SCAF11: variants seen among roughly 807,000 people sequenced by gnomAD.
The protein encoded by SCAF11 is protein SCAF11.
A neutral mutation model predicts 140.5 loss-of-function variants in SCAF11; 47 were observed. The ratio of observed to expected loss-of-function variants is 0.33; its 90% confidence interval spans 0.26 to 0.43. The LOEUF (loss-of-function observed/expected upper bound fraction) is 0.43. Among genes scored for constraint, SCAF11 ranks in the 20% least tolerant of loss-of-function variants. SCAF11 has a pLI of 1.00. For synonymous variants in SCAF11, 557 were observed against 579.4 expected, an observed-to-expected ratio of 0.96 and a Z score of 0.55; for missense variants, 1,645 against 1,705.1, an observed-to-expected ratio of 0.96 and a Z score of 0.62.
Position 45,927,292 on chromosome 12 carries a change from G to C in SCAF11, c.2409C>G (p.Pro803=). 6.3e-7 allele frequency: 1 copy of C among 1,596,990 alleles called. No homozygotes were observed. Among genetic ancestry groups the C allele is most frequent in the Non-Finnish European group, 8.5e-7 (1 of 1,170,042 alleles). ...TCTTTTCTTGTGGAGTGTCTTTGTTGGGTGACCAAGTTGTAGATGGAGAAT... is the reference window on the plus strand; with the variant it reads ...TCTTTTCTTGTGGAGTGTCTTTGTTCGGTGACCAAGTTGTAGATGGAGAAT... ...RFHSPSTTWS[P]NKDTPQEKKR... is the part of the protein sequence containing the mutation. Residue 803 remains proline (P), a synonymous_variant, in exon 11 of 15, where the codon CCC becomes CCG. Transcript: ENST00000369367.
Position 45,927,918 on chromosome 12 carries a change from G to A in SCAF11, c.1783C>T (p.His595Tyr). The part of the protein sequence containing the change: ...TESSLVEITE[H>Y]KDFTLKTEEL... ...TCTGTTTTTAGTGTAAAATCTTTAT[G>A]TTCAGTAATTTCTACTAGGGAACTC... The change falls in exon 11 of 15, where the codon CAT (histidine) becomes TAT (tyrosine). Residue 595 changes from histidine (H) to tyrosine (Y), a missense_variant. By Grantham distance (83) the His-to-Tyr change is moderately conservative (BLOSUM62 2). This residue lies in a region of SCAF11 where 1,582 missense variants were observed against 1,609.2 expected (regional missense o/e 0.98). Transcript: ENST00000369367. 6.2e-7 allele frequency: 1 copy of A among 1,612,708 alleles called. No individual in the cohort carries two copies. The highest frequency in any genetic ancestry group is 8.5e-7 in the Non-Finnish European group (1 of 1,179,652).
At chr12:45,991,840 T>A (rs1244521499), upstream of SCAF11, 1 of 1,241,848 alleles carries the variant, frequency 8.1e-7, no homozygotes, top group Non-Finnish European at 1.0e-6. Context: ...TTGTCCTGCT[T>A]GCGGCTCCCG....
chr12:45,961,882 T>C, intron 2 of SCAF11, 25 bp from the exon 3 acceptor site: 1 of 1,566,734 alleles, frequency 6.4e-7, no homozygotes, highest in Non-Finnish European at 8.6e-7. Flanking sequence ...CAGCCATATG[T>C]GCTTTCAAGT....
At chr12:45,961,930 T>C in intron 2 of SCAF11, 73 bp from the exon 3 acceptor site, 1 of 1,206,970 alleles carries the variant, frequency 8.3e-7, no homozygotes, top group Non-Finnish European at 1.1e-6. Context: ...AGGAGTATAG[T>C]GGATTAGATA....
intron 3 of SCAF11, among the ~76,000 whole-genome samples, chr12:45,957,745 A>G (rs1355451589): frequency 6.6e-6 from 1 of 152,200 alleles, no homozygotes; most frequent in Non-Finnish European, 1.5e-5. Context: ...GCAGATATCA[A>G]GAACATCCTC....
intron 3 of SCAF11, chr12:45,961,078 ACTGT>A: frequency 2.4e-6 from 1 of 413,104 alleles, no homozygotes; most frequent in Non-Finnish European, 4.4e-6. Context: ...TTTCTTATTC[ACTGT>A]CTATGACGGT....
At chr12:45,986,845 G>GT (rs1408047549) in intron 1 of SCAF11, among the ~76,000 whole-genome samples, 2 of 152,024 alleles carry the variant, frequency 1.3e-5, no homozygotes, top group Non-Finnish European at 2.9e-5. Flanking sequence ...CAACCACTAT[G>GT]TAAGAAGTGC....
chr12:45,983,627 T>G (rs998679130), intron 1 of SCAF11, among the ~76,000 whole-genome samples: 1 of 151,984 alleles, frequency 6.6e-6, no homozygotes, highest in Non-Finnish European at 1.5e-5. Flanking sequence ...ATAAATGTTA[T>G]TAAAAAATTA....
At chr12:45,991,870 C>A, upstream of SCAF11, 1 of 1,283,176 alleles carries the variant, frequency 7.8e-7, no homozygotes, top group Non-Finnish European at 1.0e-6. Context: ...GCTCTGCTCC[C>A]CGCGCGCGGC....
At chr12:45,945,171 G>T in intron 6 of SCAF11, 78 bp downstream of exon 6, 1 of 835,672 alleles carries the variant, frequency 1.2e-6, no homozygotes, top group Non-Finnish European at 2.0e-6. Flanking sequence ...AAGTGTTACT[G>T]ATGAGAACTC....
chr12:45,979,209 C>T (rs1402341940), intron 1 of SCAF11, among the ~76,000 whole-genome samples: 1 of 148,948 alleles, frequency 6.7e-6, no homozygotes, highest in African/African-American at 2.5e-5. Flanking sequence ...GGGCAGAGCC[C>T]TCACAGCCTA....
chr12:45,974,442 T>C, intron 1 of SCAF11: 1 of 308,808 alleles, frequency 3.2e-6, no homozygotes, highest in Non-Finnish European at 6.6e-6. Flanking sequence ...CACAGCAGAA[T>C]GTCTTTCAAA....
In SCAF11 at chr12:45,928,734, ACCT is replaced by A; in HGVS notation, c.964_966del (p.Arg322del). 3.1e-6 allele frequency: 5 copies of A among 1,613,522 alleles called. No individual in the cohort carries two copies. Among genetic ancestry groups the A allele is most frequent in the Non-Finnish European group, 4.2e-6 (5 of 1,179,858 alleles). On this transcript the variant is annotated inframe_deletion, in exon 11 of 15. Coordinates refer to ENST00000369367, the MANE Select transcript of SCAF11 (RefSeq NM_004719.3). The stretch of plus-strand genomic sequence containing the variant: ...GTTTCAGCTCTTGTGTTACGTGTAG[ACCT>A]CCTTGTAGGAGTTGTCATTGCAGGT...
At chr12:45,953,891 G>A in intron 3 of SCAF11, 2 of 1,004,596 alleles carry the variant, frequency 2.0e-6, no homozygotes, top group Non-Finnish European at 2.6e-6. Flanking sequence ...TAAATATTAT[G>A]TAAGGTCTTG....
chr12:45,969,746 T>G (rs1288288942), intron 1 of SCAF11, among the ~76,000 whole-genome samples: 3 of 152,190 alleles, frequency 2.0e-5, no homozygotes, highest in African/African-American at 4.8e-5. Context: ...GTGTGTGTGT[T>G]TGTTTTAAGA....
At position 45,931,617 on chromosome 12, in the gene SCAF11, A is replaced by G; in HGVS notation, c.735-5T>C. On this transcript the variant is annotated splice_polypyrimidine_tract_variant and splice_region_variant and intron_variant, in intron 9 of 14. Coordinates refer to ENST00000369367, the MANE Select transcript of SCAF11 (RefSeq NM_004719.3). ...TTCCAGGGTATAAAACCAATTCTGA[A>G]AACATAATAAAGACATTTTTGTTTA... The G allele has an allele frequency of 7.1e-7, 1 of 1,418,294 alleles. No homozygotes were observed. Among genetic ancestry groups the G allele is most frequent in the Non-Finnish European group, 9.5e-7 (1 of 1,057,038 alleles). 87.9% of individuals were successfully genotyped at this position (1,418,294 alleles called of 1,614,324 possible). A position where few individuals can be genotyped will look rare whatever the true frequency, so the allele number is the denominator to read the frequency against.
At chr12:45,991,849 C>T (rs188282888), upstream of SCAF11, 8,715 of 1,257,910 alleles carry the variant, frequency 6.9e-3, 35 homozygotes, top group Admixed American at 0.011. Context: ...TTGCGGCTCC[C>T]GCAGGACTAA....
At chr12:45,948,714 T>C (rs1287938628) in intron 4 of SCAF11, among the ~76,000 whole-genome samples, 177 bp from the exon 5 acceptor site, 1 of 152,208 alleles carries the variant, frequency 6.6e-6, no homozygotes, top group East Asian at 1.9e-4. Context: ...TAAGTATGCT[T>C]AGGTCTGGGG....
At chr12:45,922,908 T>G (rs775371205) in intron 13 of SCAF11, 28 bp downstream of exon 13, 4 of 1,590,346 alleles carry the variant, frequency 2.5e-6, no homozygotes. Context: ...TACAGAATTA[T>G]GAAGGTTGCT....
Sources: gnomAD v4.1 joint callset for allele counts (sites outside exome capture counted in the v4.1 genomes callset) on GRCh38, gnomAD v4.1.1 for gene constraint, gnomAD v4.1.1 regional missense constraint, MANE v1.5 for transcripts, NCBI Gene and HGNC (gene_info 2026-07-23, HGNC 2026-07-21) for gene names.